DAGLA: variants seen among roughly 807,000 people sequenced by gnomAD.
DAGLA encodes the protein diacylglycerol lipase alpha.
Under a neutral mutation model 102.6 loss-of-function variants are expected in DAGLA, and 22 were observed. The ratio of observed to expected loss-of-function variants is 0.21; its 90% CI spans 0.15 to 0.31. DAGLA has a LOEUF of 0.31. Among genes scored for constraint, DAGLA ranks in the 10% least tolerant of loss-of-function variants. The pLI is 1.00. For missense variants in DAGLA, 927 were observed against 1,446.6 expected, an observed-to-expected ratio of 0.64 and a Z score of 5.83; for synonymous variants, 578 against 628.9, an observed-to-expected ratio of 0.92 and a Z score of 1.21.
chr11:61,716,731 T>G (rs371812683), intron 1 of DAGLA, among the ~76,000 whole-genome samples: 1 of 152,140 alleles, frequency 6.6e-6, no homozygotes, highest in Admixed American at 6.5e-5. Flanking sequence ...CAGGAAGGTT[T>G]TTAAAGTAGG....
Position 61,741,314 on chromosome 11 carries a change from G to A in DAGLA, c.2136G>A (p.Glu712=), listed in dbSNP as rs375932315. Residue 712 remains glutamate, a synonymous_variant, in exon 19 of 20, where the codon GAG becomes GAA. Coordinates refer to ENST00000257215, the MANE Select transcript of DAGLA (RefSeq NM_006133.3). ...CCATGCCCACTGGCCTTGCCCTGGA[G>A]CTGCCGACTGCAGACCACCGCAACA... ...GPPMPTGLAL[E]LPTADHRNSS... 1.8e-5 allele frequency: 29 copies of A among 1,610,408 alleles called. No homozygotes were observed. The African/African-American group carries it at 3.7e-4, about 21-fold the overall frequency.
chr11:61,728,013 G>A (rs2065344053), intron 6 of DAGLA, 140 bp from the exon 7 acceptor site: 1 of 925,740 alleles, frequency 1.1e-6, no homozygotes, highest in Non-Finnish European at 1.7e-6. Context: ...GCGCTGTGGA[G>A]GTGCTGGGGA....
intron 3 of DAGLA, among the ~76,000 whole-genome samples, chr11:61,721,393 C>CA (rs993838907): frequency 2.5e-4 from 37 of 150,594 alleles, no homozygotes; most frequent in Admixed American, 9.2e-4. Flanking sequence ...GTCTCCATCT[C>CA]AAAAAAAAAG....
intron 1 of DAGLA, among the ~76,000 whole-genome samples, chr11:61,706,152 A>C (rs2065147698): frequency 6.6e-6 from 1 of 152,254 alleles, no homozygotes; most frequent in African/African-American, 2.4e-5. Flanking sequence ...GGGTGGTGAC[A>C]AGTTTGGAAA....
chr11:61,741,383 G>A (rs370043982), intron 19 of DAGLA, 34 bp downstream of exon 19: 1 of 1,589,710 alleles, frequency 6.3e-7, no homozygotes, highest in East Asian at 2.2e-5. Context: ...CCACCCCAGG[G>A]TGAGTGTGGT....
intron 1 of DAGLA, among the ~76,000 whole-genome samples, chr11:61,691,383 T>C (rs2065023296): frequency 6.6e-6 from 1 of 152,260 alleles, no homozygotes; most frequent in South Asian, 2.1e-4. Flanking sequence ...TGAGCACAGC[T>C]ATTCTCTGTC....
At position 61,746,630 on chromosome 11, in the gene DAGLA, C is replaced by T. The variant is rs1209502628; in HGVS notation, c.*2141C>T. The T allele has an allele frequency of 6.6e-6, 1 of 152,646 alleles. No homozygotes were observed. The highest frequency in any genetic ancestry group is 1.5e-5 in the Non-Finnish European group (1 of 68,110). The allele number at this position is 152,646 out of a possible 1,614,324, so 9.5% of individuals were successfully genotyped here. On this transcript the variant is annotated 3_prime_UTR_variant, in exon 20 of 20. Transcript: ENST00000257215. ...ACCCACCTCGCCCTTGAAGGATGGG[C>T]CTGCTGCACGTCTCCCTCCTCCACC...
chr11:61,690,330 T>C (rs2065013761), intron 1 of DAGLA, among the ~76,000 whole-genome samples: 1 of 152,210 alleles, frequency 6.6e-6, no homozygotes, highest in African/African-American at 2.4e-5. Flanking sequence ...AGGACATTTA[T>C]TGAGCACCTA....
chr11:61,698,317 C>T (rs2065082446), intron 1 of DAGLA, among the ~76,000 whole-genome samples: 1 of 152,236 alleles, frequency 6.6e-6, no homozygotes, highest in Non-Finnish European at 1.5e-5. Context: ...CAGCTCTCTG[C>T]AAGTTGGCTG....
intron 7 of DAGLA, 48 bp from the exon 8 acceptor site, chr11:61,728,883 G>T: frequency 6.4e-7 from 1 of 1,564,056 alleles, no homozygotes; most frequent in South Asian, 1.1e-5. Flanking sequence ...CAGCCATGCA[G>T]CCGGGCCTGG....
At chr11:61,728,051 C>A in intron 6 of DAGLA, 102 bp from the exon 7 acceptor site, 1 of 1,389,498 alleles carries the variant, frequency 7.2e-7, no homozygotes, top group Non-Finnish European at 1.0e-6. Context: ...CCCGAGCAGA[C>A]ACCTGCTTCT....
In DAGLA at chr11:61,745,544, C is replaced by T. The variant is rs1012979594; in HGVS notation, c.*1055C>T. 2.0e-5 allele frequency: 3 copies of T among 152,702 alleles called. No homozygotes were observed. The highest frequency in any genetic ancestry group is 7.2e-5 in the African/African-American group (3 of 41,418). The allele number at this position is 152,702 out of a possible 1,614,324, so 9.5% of individuals were successfully genotyped here. The stretch of plus-strand genomic sequence containing the variant: ...AATGTCCTGTTGGTAGGAGGTGGGG[C>T]CAAGAGTGGGGTATGGTGGGCCTTG... On this transcript the variant is annotated 3_prime_UTR_variant, in exon 20 of 20. Transcript: ENST00000257215.
intron 1 of DAGLA, among the ~76,000 whole-genome samples, chr11:61,685,550 G>A (rs1270287626): frequency 2.0e-5 from 3 of 152,168 alleles, no homozygotes; most frequent in Non-Finnish European, 2.9e-5. Flanking sequence ...CCTGCTGTGA[G>A]TTGGGGGTTA....
intron 5 of DAGLA, among the ~76,000 whole-genome samples, chr11:61,724,873 C>T (rs2065311377): frequency 6.6e-6 from 1 of 152,132 alleles, no homozygotes; most frequent in Non-Finnish European, 1.5e-5. Context: ...GCCAGCAGGT[C>T]CCCAGAGTAG....
chr11:61,707,808 G>A (rs1327558400), intron 1 of DAGLA, among the ~76,000 whole-genome samples: 1 of 152,118 alleles, frequency 6.6e-6, no homozygotes, highest in Non-Finnish European at 1.5e-5. Flanking sequence ...GGGAGTGGGC[G>A]TGCCCGGCCG....
At chr11:61,728,498 T>C (rs2065349738) in intron 7 of DAGLA, among the ~76,000 whole-genome samples, 1 of 152,190 alleles carries the variant, frequency 6.6e-6, no homozygotes, top group African/African-American at 2.4e-5. Flanking sequence ...ACTACTACTC[T>C]AGGGACTTTC....
chr11:61,724,300 G>A (rs549959386), intron 5 of DAGLA, among the ~76,000 whole-genome samples: 18 of 152,322 alleles, frequency 1.2e-4, no homozygotes, highest in African/African-American at 3.6e-4. Flanking sequence ...GTGGGTCCCA[G>A]TACCTCCTGT....
rs974589195 is a variant in DAGLA, at chr11:61,744,429, C to T, written c.3069C>T (p.Thr1023=). ...CLAADKIRTS[T]PTGHGASPAK... is the part of the protein sequence containing the mutation. ...CGGCTGACAAGATCCGGACTTCTAC[C>T]CCCACTGGCCACGGAGCCAGCCCCG... The change falls in exon 20 of 20, where the codon ACC becomes ACT. Residue 1023 remains threonine (T), a synonymous_variant. Coordinates refer to ENST00000257215, the MANE Select transcript of DAGLA (RefSeq NM_006133.3). 11 of 1,604,080 alleles carry T rather than the reference C, an allele frequency of 6.9e-6. No individual in the cohort carries two copies. In the African/African-American group the frequency reaches 1.3e-4, roughly 20 times the overall value.
chr11:61,739,386 C>T, intron 16 of DAGLA, 79 bp from the exon 17 acceptor site: 1 of 1,422,508 alleles, frequency 7.0e-7, no homozygotes, highest in Non-Finnish European at 9.6e-7. Flanking sequence ...CTGAGCCCCC[C>T]TTCTCGGTCC....
Sources: allele counts gnomAD v4.1 joint callset (sites outside exome capture counted in the v4.1 genomes callset), GRCh38; gene constraint gnomAD v4.1.1; transcripts MANE v1.5; gene names NCBI Gene and HGNC (gene_info 2026-07-23, HGNC 2026-07-21).